Variants in GABRB3 observed in about 807,000 individuals in gnomAD.
The protein encoded by GABRB3 is gamma-aminobutyric acid type A receptor subunit beta3, also known as gamma-aminobutyric acid receptor subunit beta-3.
A neutral mutation model predicts 52.1 loss-of-function variants in GABRB3; 14 were observed. The ratio of observed to expected loss-of-function variants is 0.27; its 90% CI spans 0.18 to 0.42. The LOEUF is 0.42. Among genes scored for constraint, GABRB3 ranks in the 10% least tolerant of loss-of-function variants. The probability of loss-of-function intolerance (pLI) is 1.00; values close to 1 mark genes in which losing one functional copy is unlikely to be tolerated. For missense variants in GABRB3, 307 were observed against 609.1 expected (o/e 0.50, Z 5.22); for synonymous variants, 260 against 232.3 (o/e 1.12, Z -1.08).
chr15:26,683,720 C>T (rs767782852), intron 3 of GABRB3, among the ~76,000 whole-genome samples: 28 of 152,000 alleles, frequency 1.8e-4, no homozygotes, highest in Non-Finnish European at 3.2e-4. Flanking sequence ...TCCTAGGGGG[C>T]AGGGTCGGGG....
At chr15:26,665,580 G>A (rs1236289808) in intron 3 of GABRB3, among the ~76,000 whole-genome samples, 3 of 152,180 alleles carry the variant, frequency 2.0e-5, no homozygotes, top group Non-Finnish European at 4.4e-5. Context: ...CATGACAAGA[G>A]GAGGAATAGG....
chr15:26,773,526 C>T (rs1891220855), upstream of GABRB3: 18 of 643,002 alleles, frequency 2.8e-5, no homozygotes, highest in South Asian at 4.4e-4. Flanking sequence ...CCCCGCACGA[C>T]GACCACCGCC....
rs576235486 is a variant in GABRB3, at chr15:26,659,382, C to T, written c.241-37848G>A. 1.0e-3 allele frequency among the ~76,000 whole-genome samples: 158 copies of T among 152,052 alleles called. 2 individuals carry two copies. Among genetic ancestry groups the T allele is most frequent in the African/African-American group, 3.7e-3 (152 of 41,474 alleles). ...TATTAAAATACAAAAATTAGCCAGG[C>T]GTGGTGGGGAGCGCCTTTAATCCCA... is the stretch of plus-strand genomic sequence containing the variant. On this transcript the variant is annotated intron_variant, in intron 3 of 8. Transcript: ENST00000311550.
At chr15:26,605,821 T>C (rs902997128) in intron 4 of GABRB3, among the ~76,000 whole-genome samples, 2 of 152,116 alleles carry the variant, frequency 1.3e-5, no homozygotes, top group East Asian at 1.9e-4. Context: ...AGTTCTTGCA[T>C]TGTTATAAAG....
At chr15:26,717,285 C>T (rs1595548888) in intron 3 of GABRB3, among the ~76,000 whole-genome samples, 1 of 151,290 alleles carries the variant, frequency 6.6e-6, no homozygotes, top group Admixed American at 6.6e-5. Flanking sequence ...CACCCGATGA[C>T]AGCCCAGCTC....
intron 3 of GABRB3, among the ~76,000 whole-genome samples, chr15:26,757,188 C>A (rs538670299): frequency 1.3e-5 from 2 of 152,178 alleles, no homozygotes; most frequent in East Asian, 3.9e-4. Flanking sequence ...TATTCGTATC[C>A]CACCGTGGTT....
intron 6 of GABRB3, among the ~76,000 whole-genome samples, chr15:26,576,029 G>A (rs1737926284): frequency 6.6e-6 from 1 of 152,224 alleles, no homozygotes; most frequent in Non-Finnish European, 1.5e-5. Flanking sequence ...CCCACATTTT[G>A]CTGGTGAGCG....
rs575640424 is a variant in GABRB3, at chr15:26,693,405, C to A, written c.241-71871G>T. ...AGGAAATGGAAAGGAATTTCCCCTG[C>A]GAGATCATGCTAAATACACAGGCAC... On this transcript the variant is annotated intron_variant, in intron 3 of 8. Coordinates refer to ENST00000311550, the MANE Select transcript of GABRB3 (RefSeq NM_000814.6). Among the ~76,000 whole-genome samples, 19 of 152,232 alleles carry A rather than the reference C, an allele frequency of 1.2e-4. 1 individual carries two copies. In the South Asian group the frequency reaches 3.7e-3, roughly 30 times the overall value.
chr15:26,761,580 T>C (rs1329900141), intron 3 of GABRB3, among the ~76,000 whole-genome samples: 1 of 152,034 alleles, frequency 6.6e-6, no homozygotes, highest in African/African-American at 2.4e-5. Flanking sequence ...AAATTACATG[T>C]CACCATACCT....
In GABRB3 at chr15:26,679,160, CTT is replaced by C. The variant is rs201541098; in HGVS notation, c.241-57628_241-57627del. On this transcript the variant is annotated intron_variant, in intron 3 of 8. Coordinates refer to ENST00000311550, the MANE Select transcript of GABRB3 (RefSeq NM_000814.6). ...TGGGACATGAGGTGTGGGTTGTTGT[CTT>C]TTATTTGAATGTGTAAAATCAAAAT... Among the ~76,000 whole-genome samples, 1,108 of 152,114 alleles carry C rather than the reference CTT, an allele frequency of 7.3e-3. 16 individuals are homozygous for C. The highest frequency in any genetic ancestry group is 0.026 in the African/African-American group (1,078 of 41,380).
At chr15:26,665,478 A>G (rs1336400369) in intron 3 of GABRB3, among the ~76,000 whole-genome samples, 1 of 152,286 alleles carries the variant, frequency 6.6e-6, no homozygotes, top group Non-Finnish European at 1.5e-5. Context: ...TCTTTTAAAT[A>G]GCTGTAGTAA....
intron 5 of GABRB3, among the ~76,000 whole-genome samples, 177 bp downstream of exon 5, chr15:26,583,155 T>C (rs907600533): frequency 7.9e-5 from 12 of 152,158 alleles, no homozygotes; most frequent in African/African-American, 2.2e-4. Flanking sequence ...TTAATCAGAT[T>C]AGAATGAAGA....
chr15:26,603,541 G>A (rs571313985), intron 4 of GABRB3, among the ~76,000 whole-genome samples: 6 of 151,874 alleles, frequency 4.0e-5, no homozygotes, highest in South Asian at 4.2e-4. Context: ...ACTAGGAAAC[G>A]AAATTCAAGA....
chr15:26,699,490 CAA>C (rs543375296), intron 3 of GABRB3, among the ~76,000 whole-genome samples: 5 of 133,842 alleles, frequency 3.7e-5, no homozygotes, highest in Middle Eastern at 3.9e-3. Context: ...ATCGGTGAAT[CAA>C]AAAAAAAAAA....
chr15:26,728,294 CAA>C (rs1377372022), intron 3 of GABRB3, among the ~76,000 whole-genome samples: 1 of 152,204 alleles, frequency 6.6e-6, no homozygotes, highest in African/African-American at 2.4e-5. Context: ...AACAAATGAG[CAA>C]AGTGTCCCCT....
chr15:26,684,937 A>G (rs968853670), intron 3 of GABRB3, among the ~76,000 whole-genome samples: 1 of 152,244 alleles, frequency 6.6e-6, no homozygotes, highest in African/African-American at 2.4e-5. Flanking sequence ...CAATGCGCAC[A>G]TGCTATTCAA....
Position 26,622,264 on chromosome 15 carries a change from C to T in GABRB3, c.241-730G>A, listed in dbSNP as rs192230128. On this transcript the variant is annotated intron_variant, in intron 3 of 8. Transcript: ENST00000311550. ...TGCCCACAAAATTACCAAATATCCA[C>T]GTGATGGTTCTGCTTTCGTTTTGCC... is the stretch of plus-strand genomic sequence containing the variant. Among the ~76,000 whole-genome samples, 22 of 152,210 alleles carry T rather than the reference C, an allele frequency of 1.4e-4. No homozygotes were observed. The East Asian group carries it at 4.3e-3, about 29-fold the overall frequency.
At chr15:26,572,787 G>A (rs1341176233) in intron 6 of GABRB3, among the ~76,000 whole-genome samples, 3 of 152,168 alleles carry the variant, frequency 2.0e-5, no homozygotes, top group African/African-American at 2.4e-5. Flanking sequence ...CAGTGCAGAC[G>A]TGGTCAGGTC....
At chr15:26,767,473 C>T (rs1023420323) in intron 3 of GABRB3, among the ~76,000 whole-genome samples, 1 of 152,162 alleles carries the variant, frequency 6.6e-6, no homozygotes, top group African/African-American at 2.4e-5. Flanking sequence ...CTTATGATAT[C>T]ACTTTGGTAT....
Sources: allele counts gnomAD v4.1 joint callset (sites outside exome capture counted in the v4.1 genomes callset), GRCh38; gene constraint gnomAD v4.1.1; transcripts MANE v1.5; gene names NCBI Gene and HGNC (gene_info 2026-07-23, HGNC 2026-07-21).